CCDC192: variants seen among roughly 807,000 people sequenced by gnomAD.
CCDC192 encodes coiled-coil domain-containing protein 192.
At chr5:127,894,084 C>T (rs951036348) in intron 6 of CCDC192, among the ~76,000 whole-genome samples, 3 of 152,064 alleles carry the variant, frequency 2.0e-5, no homozygotes, top group African/African-American at 7.2e-5. Flanking sequence ...TACCTATCTC[C>T]ATTGCAGGTG....
intron 6 of CCDC192, among the ~76,000 whole-genome samples, chr5:127,939,192 A>G (rs922696049): frequency 8.9e-5 from 12 of 134,382 alleles, no homozygotes; most frequent in African/African-American, 3.4e-4. Context: ...ATCTCAGCTC[A>G]ATGCAACCTG....
At chr5:127,767,392 T>A (rs372257418) in intron 3 of CCDC192, among the ~76,000 whole-genome samples, 13 of 152,320 alleles carry the variant, frequency 8.5e-5, no homozygotes, top group African/African-American at 3.1e-4. Context: ...AACGTTGAAA[T>A]AAGATTTATA....
At chr5:127,823,208 C>G (rs1749376274) in intron 5 of CCDC192, among the ~76,000 whole-genome samples, 1 of 152,228 alleles carries the variant, frequency 6.6e-6, no homozygotes, top group African/African-American at 2.4e-5. Context: ...ACAGGTGTCT[C>G]TCCCACACTT....
chr5:127,779,757 T>C (rs1002048699), intron 3 of CCDC192, among the ~76,000 whole-genome samples: 1 of 152,152 alleles, frequency 6.6e-6, no homozygotes, highest in African/African-American at 2.4e-5. Flanking sequence ...CCATAGGTTA[T>C]TGGGGGTACA....
chr5:127,800,398 A>AAAAAAAAAAAAAAAAAAAAAAAAG (rs1757435875), intron 5 of CCDC192, among the ~76,000 whole-genome samples: 1 of 138,552 alleles, frequency 7.2e-6, no homozygotes, highest in Non-Finnish European at 1.6e-5. Flanking sequence ...AAAAAAAAAA[A>AAAAAAAAAAAAAAAAAAAAAAAAG]AAACAACAAC....
At chr5:127,873,225 T>C (rs1024987489) in intron 5 of CCDC192, among the ~76,000 whole-genome samples, 8 of 152,168 alleles carry the variant, frequency 5.3e-5, no homozygotes, top group African/African-American at 1.9e-4. Flanking sequence ...TTGAGAAAAG[T>C]TTCTGGAAAA....
chr5:127,923,430 T>C (rs1753781008), intron 6 of CCDC192, among the ~76,000 whole-genome samples: 1 of 151,058 alleles, frequency 6.6e-6, no homozygotes, highest in Non-Finnish European at 1.5e-5. Flanking sequence ...CAGGCTGGAG[T>C]GCAGTGGTGC....
At chr5:127,791,271 C>A (rs1756851724) in intron 3 of CCDC192, among the ~76,000 whole-genome samples, 1 of 152,082 alleles carries the variant, frequency 6.6e-6, no homozygotes, top group Non-Finnish European at 1.5e-5. Flanking sequence ...TAAAAGAACA[C>A]TATAAAGTTA....
chr5:127,876,742 G>A (rs1473948729), intron 6 of CCDC192, among the ~76,000 whole-genome samples: 1 of 152,174 alleles, frequency 6.6e-6, no homozygotes. Context: ...TGGAGGAGGA[G>A]GAAGCAGGCG....
chr5:127,783,989 CT>C (rs34823720), intron 3 of CCDC192, among the ~76,000 whole-genome samples: 2 of 152,022 alleles, frequency 1.3e-5, no homozygotes, highest in African/African-American at 4.8e-5. Context: ...TATGAAATAC[CT>C]TTTTCCACCC....
chr5:127,768,778 T>C (rs992503892), intron 3 of CCDC192, among the ~76,000 whole-genome samples: 2 of 152,244 alleles, frequency 1.3e-5, no homozygotes, highest in Non-Finnish European at 2.9e-5. Context: ...TTGTTGTTTG[T>C]TTAACTCCTA....
intron 2 of CCDC192, among the ~76,000 whole-genome samples, chr5:127,720,828 G>A (rs556621510): frequency 1.2e-4 from 18 of 152,180 alleles, no homozygotes; most frequent in African/African-American, 4.3e-4. Context: ...GAAACAACAG[G>A]CTGAGCTGTA....
intron 2 of CCDC192, among the ~76,000 whole-genome samples, chr5:127,733,620 G>T (rs897596281): frequency 6.6e-6 from 1 of 152,132 alleles, no homozygotes; most frequent in African/African-American, 2.4e-5. Context: ...GAGAGCCAGA[G>T]AATCAACCTT....
intron 5 of CCDC192, among the ~76,000 whole-genome samples, chr5:127,825,669 A>C (rs1749494154): frequency 6.6e-6 from 1 of 152,186 alleles, no homozygotes; most frequent in South Asian, 2.1e-4. Flanking sequence ...ATTTATAGCC[A>C]ATGATGTACA....
intron 6 of CCDC192, among the ~76,000 whole-genome samples, chr5:127,890,292 A>C (rs558583533): frequency 2.0e-5 from 3 of 152,146 alleles, no homozygotes; most frequent in Non-Finnish European, 4.4e-5. Flanking sequence ...TGGGAGGATC[A>C]CTTGAGCCTG....
chr5:127,855,085 G>A (rs562554869), intron 5 of CCDC192, among the ~76,000 whole-genome samples: 1 of 152,260 alleles, frequency 6.6e-6, no homozygotes, highest in South Asian at 2.1e-4. Flanking sequence ...AGTGTTGATG[G>A]CTGCTGATTG....
At chr5:127,771,993 G>T (rs919674009) in intron 3 of CCDC192, among the ~76,000 whole-genome samples, 1 of 152,188 alleles carries the variant, frequency 6.6e-6, no homozygotes, top group Admixed American at 6.5e-5. Flanking sequence ...GCTGCAAATG[G>T]TGTGAACTGT....
At chr5:127,891,317 G>A (rs1271072805) in intron 6 of CCDC192, among the ~76,000 whole-genome samples, 2 of 152,216 alleles carry the variant, frequency 1.3e-5, no homozygotes, top group African/African-American at 4.8e-5. Flanking sequence ...GCCTCCCAAA[G>A]TGCTAGGATT....
intron 5 of CCDC192, among the ~76,000 whole-genome samples, chr5:127,805,858 C>T (rs1014109944): frequency 6.6e-6 from 1 of 152,206 alleles, no homozygotes; most frequent in Admixed American, 6.5e-5. Flanking sequence ...CCCCATGGCT[C>T]ATCTTTCCCA....
Sources: allele counts gnomAD v4.1 joint callset (sites outside exome capture counted in the v4.1 genomes callset), GRCh38; gene constraint gnomAD v4.1.1; transcripts MANE v1.5; gene names NCBI Gene and HGNC (gene_info 2026-07-23, HGNC 2026-07-21).